Variants in GPHN observed in about 807,000 individuals in gnomAD.
GPHN encodes gephyrin.
GPHN carries 17 observed loss-of-function variants against 95.5 expected under a neutral mutation model. The ratio of observed to expected loss-of-function variants is 0.18; its 90% CI spans 0.12 to 0.27. The LOEUF (loss-of-function observed/expected upper bound fraction) is 0.27. Among genes scored for constraint, GPHN ranks in the 10% least tolerant of loss-of-function variants. GPHN has a pLI of 1.00. For synonymous variants in GPHN, 320 were observed against 322.5 expected, an observed-to-expected ratio of 0.99 and a Z score of 0.08; for missense variants, 660 against 978.1, an observed-to-expected ratio of 0.67 and a Z score of 4.34.
At chr14:67,476,005 G>A in the GPHN span, among the ~76,000 whole-genome samples, 1 of 152,238 alleles carries the variant, frequency 6.6e-6, no homozygotes, top group Non-Finnish European at 1.5e-5. Flanking sequence ...TCCTGTTCAT[G>A]TGGAGGGAGG....
chr14:67,639,033 G>A, the GPHN span, among the ~76,000 whole-genome samples: 3 of 150,290 alleles, frequency 2.0e-5, no homozygotes, highest in South Asian at 4.1e-4. Flanking sequence ...ATGAACCCCC[G>A]ACAGAAGTTA....
At chr14:67,095,249 T>C (rs1050417577) in intron 12 of GPHN, among the ~76,000 whole-genome samples, 3 of 152,224 alleles carry the variant, frequency 2.0e-5, no homozygotes, top group African/African-American at 7.2e-5. Context: ...GATCTTATAG[T>C]GCTCTGCTCC....
chr14:66,562,465 T>G (rs1217717669), intron 1 of GPHN, among the ~76,000 whole-genome samples: 1 of 152,138 alleles, frequency 6.6e-6, no homozygotes, highest in Non-Finnish European at 1.5e-5. Flanking sequence ...AATTGTACCT[T>G]AACAAAATTT....
At chr14:67,453,456 A>G in the GPHN span, among the ~76,000 whole-genome samples, 64 of 152,206 alleles carry the variant, frequency 4.2e-4, no homozygotes, top group African/African-American at 1.4e-3. Context: ...CTGCTCAGGT[A>G]CCCGGGATGC....
At chr14:67,384,578 A>G in the GPHN span, 1 of 152,130 alleles carries the variant, frequency 6.6e-6, no homozygotes, top group African/African-American at 2.4e-5. Context: ...TTATCCCTAG[A>G]TAGCTATTAA....
chr14:67,052,543 C>CA (rs2075352938), intron 10 of GPHN, among the ~76,000 whole-genome samples: 1 of 148,696 alleles, frequency 6.7e-6, no homozygotes, highest in South Asian at 2.1e-4. Context: ...ATCACTGAGA[C>CA]AAAAAATTAA....
At chr14:67,455,222 G>A in the GPHN span, among the ~76,000 whole-genome samples, 1 of 152,314 alleles carries the variant, frequency 6.6e-6, no homozygotes, top group African/African-American at 2.4e-5. Flanking sequence ...GTGCTGGCCA[G>A]GTCTGGCTGT....
chr14:66,926,396 G>C (rs952320930), intron 8 of GPHN, among the ~76,000 whole-genome samples: 1 of 152,140 alleles, frequency 6.6e-6, no homozygotes, highest in African/African-American at 2.4e-5. Flanking sequence ...AAGTATGTAA[G>C]TCTTTAATCC....
intron 8 of GPHN, among the ~76,000 whole-genome samples, chr14:66,956,454 C>T (rs1002697365): frequency 6.6e-6 from 1 of 151,958 alleles, no homozygotes; most frequent in African/African-American, 2.4e-5. Flanking sequence ...CCTGAGGAAT[C>T]GCCACACTGA....
At chr14:67,212,624 AT>A in the GPHN span, among the ~76,000 whole-genome samples, 2 of 145,628 alleles carry the variant, frequency 1.4e-5, no homozygotes, top group Non-Finnish European at 3.0e-5. Context: ...TGTAATATAT[AT>A]TATATATAAT....
chr14:66,813,745 T>C (rs2060851199), intron 3 of GPHN, among the ~76,000 whole-genome samples: 2 of 152,312 alleles, frequency 1.3e-5, no homozygotes, highest in South Asian at 2.1e-4. Context: ...AGGAGAACTG[T>C]TGGACCTGAT....
At chr14:66,833,060 G>A (rs1311105059) in intron 4 of GPHN, among the ~76,000 whole-genome samples, 5 of 152,096 alleles carry the variant, frequency 3.3e-5, no homozygotes, top group Non-Finnish European at 7.4e-5. Flanking sequence ...TGGCTAGAGA[G>A]GTACCAAATA....
intron 2 of GPHN, among the ~76,000 whole-genome samples, chr14:66,762,560 A>T (rs1295193834): frequency 0.13 from 14 of 110 alleles, no homozygotes; most frequent in Non-Finnish European, 0.12. Context: ...TCACATAGTA[A>T]AAAAAAAAAA....
the GPHN span, among the ~76,000 whole-genome samples, chr14:67,361,230 A>T: frequency 6.6e-6 from 1 of 152,184 alleles, no homozygotes; most frequent in Non-Finnish European, 1.5e-5. Context: ...AGCAAAAAAC[A>T]TGGTTTCTTC....
the GPHN span, chr14:67,569,995 T>C: frequency 6.2e-7 from 1 of 1,600,570 alleles, no homozygotes; most frequent in Non-Finnish European, 8.5e-7. Flanking sequence ...TGTGCCTGTC[T>C]ACACAGCACT....
At chr14:67,277,107 GAA>G in the GPHN span, among the ~76,000 whole-genome samples, 1 of 152,148 alleles carries the variant, frequency 6.6e-6, no homozygotes, top group Admixed American at 6.5e-5. Flanking sequence ...TACTTGTAAT[GAA>G]AACATTTAAA....
At chr14:66,586,918 G>T (rs2319391) in intron 1 of GPHN, among the ~76,000 whole-genome samples, 1 of 152,018 alleles carries the variant, frequency 6.6e-6, no homozygotes, top group Non-Finnish European at 1.5e-5. Context: ...AGAAATAAGT[G>T]AAATAGAGAC....
At chr14:66,961,220 G>A (rs186175152) in intron 8 of GPHN, among the ~76,000 whole-genome samples, 84 of 151,960 alleles carry the variant, frequency 5.5e-4, no homozygotes, top group African/African-American at 1.9e-3. Flanking sequence ...CCATTTACCT[G>A]GTTGTAAACA....
chr14:67,544,590 A>C, the GPHN span, among the ~76,000 whole-genome samples: 3 of 152,394 alleles, frequency 2.0e-5, no homozygotes, highest in South Asian at 6.2e-4. Flanking sequence ...AGAGACTATG[A>C]AATAAATGAG....
Sources: gnomAD v4.1 joint callset for allele counts (sites outside exome capture counted in the v4.1 genomes callset) on GRCh38, gnomAD v4.1.1 for gene constraint, MANE v1.5 for transcripts, NCBI Gene and HGNC (gene_info 2026-07-23, HGNC 2026-07-21) for gene names.